The following CSMD1 variants were observed in gnomAD, a reference collection of about 807,000 sequenced individuals.
The protein encoded by CSMD1 is CUB and Sushi multiple domains 1.
In CSMD1, 213 loss-of-function variants were observed where a neutral mutation model predicts 417.5. That is an observed-to-expected ratio of 0.51 (90% CI 0.46 to 0.57). The LOEUF (loss-of-function observed/expected upper bound fraction) is 0.57, where lower values mean the gene tolerates loss of function less well. CSMD1 is among the 20% of genes least tolerant of loss of function. The pLI is 0.00. For synonymous variants in CSMD1, 2,862 were observed against 1,736.8 expected, an observed-to-expected ratio of 1.65 and a Z score of -16.11; for missense variants, 6,923 against 4,529.7, an observed-to-expected ratio of 1.53 and a Z score of -15.17.
intron 3 of CSMD1, among the ~76,000 whole-genome samples, chr8:4,299,777 C>A (rs888355462): frequency 1.3e-5 from 2 of 151,844 alleles, no homozygotes; most frequent in Non-Finnish European, 2.9e-5. Flanking sequence ...ATTACAGGTA[C>A]GTGCCACCAC....
At chr8:4,756,830 G>C (rs1811698297) in intron 1 of CSMD1, among the ~76,000 whole-genome samples, 1 of 152,144 alleles carries the variant, frequency 6.6e-6, no homozygotes, top group Non-Finnish European at 1.5e-5. Context: ...GCTGGGCCCA[G>C]GTATAACACA....
intron 26 of CSMD1, among the ~76,000 whole-genome samples, chr8:3,256,638 A>T (rs547150307): frequency 1.4e-4 from 22 of 152,318 alleles, no homozygotes; most frequent in African/African-American, 4.8e-4. Context: ...CACTTCCAAC[A>T]TGTGTGCCTT....
chr8:4,865,060 A>G (rs916049227), intron 1 of CSMD1, among the ~76,000 whole-genome samples: 11 of 151,474 alleles, frequency 7.3e-5, no homozygotes, highest in African/African-American at 1.7e-4. Context: ...TTTTATTTCA[A>G]TAGGTTTTGG....
intron 18 of CSMD1, among the ~76,000 whole-genome samples, chr8:3,383,267 C>G (rs1810756891): frequency 6.6e-6 from 1 of 152,220 alleles, no homozygotes; most frequent in Non-Finnish European, 1.5e-5. Flanking sequence ...ATGCAGTTTA[C>G]TGCATTTCAG....
rs190883958 is a variant in CSMD1, at chr8:4,311,894, T to C, written c.415+108059A>G. On this transcript the variant is annotated intron_variant, in intron 3 of 69. Coordinates refer to ENST00000635120, the MANE Select transcript of CSMD1 (RefSeq NM_033225.6). Reference sequence around the variant, plus strand: ...AATACCTGGGTGATCAAATAATACATGCAACGAACCCCCATGACACTTATT... The same window carrying C: ...AATACCTGGGTGATCAAATAATACACGCAACGAACCCCCATGACACTTATT... Among the ~76,000 whole-genome samples, 226 of 152,066 alleles carry C rather than the reference T, an allele frequency of 1.5e-3. 2 individuals carry two copies. Among genetic ancestry groups the C allele is most frequent in the African/African-American group, 5.2e-3 (216 of 41,476 alleles).
intron 2 of CSMD1, among the ~76,000 whole-genome samples, chr8:4,422,459 C>A (rs761043279): frequency 6.6e-6 from 1 of 151,926 alleles, no homozygotes; most frequent in South Asian, 2.1e-4. Flanking sequence ...GGTAAGCATA[C>A]GGTAAAAATA....
intron 69 of CSMD1, among the ~76,000 whole-genome samples, chr8:2,942,120 G>C (rs957039542): frequency 6.6e-6 from 1 of 152,014 alleles, no homozygotes; most frequent in Non-Finnish European, 1.5e-5. Flanking sequence ...AGTGGGAGCT[G>C]AACGATGAGA....
chr8:4,423,515 G>T lies in CSMD1; in HGVS notation c.303-3450C>A, dbSNP rs559385723. The stretch of plus-strand genomic sequence containing the variant: ...TAAGATAAGCCCAACAGTGTATACA[G>T]AAAAGTACACAACACTGAAGAAAAA... On this transcript the variant is annotated intron_variant, in intron 2 of 69. Coordinates refer to ENST00000635120, the MANE Select transcript of CSMD1 (RefSeq NM_033225.6). Among the ~76,000 whole-genome samples the T allele has an allele frequency of 4.6e-5, 7 of 152,104 alleles. No homozygotes were observed. The South Asian group carries it at 1.5e-3, about 32-fold the overall frequency.
At chr8:3,450,699 T>C (rs1305430979) in intron 12 of CSMD1, among the ~76,000 whole-genome samples, 3 of 152,166 alleles carry the variant, frequency 2.0e-5, no homozygotes, top group Non-Finnish European at 4.4e-5. Context: ...CGCATTTTCT[T>C]AATCCAGTCT....
chr8:3,686,224 G>A (rs1799937022), intron 7 of CSMD1, among the ~76,000 whole-genome samples: 1 of 152,152 alleles, frequency 6.6e-6, no homozygotes, highest in South Asian at 2.1e-4. Context: ...TCACCCCCTT[G>A]AGTTACTGAC....
intron 3 of CSMD1, among the ~76,000 whole-genome samples, chr8:4,227,321 C>A (rs1359587417): frequency 6.6e-6 from 1 of 152,102 alleles, no homozygotes; most frequent in African/African-American, 2.4e-5. Flanking sequence ...CCTCTCCCAC[C>A]ACTCACCACC....
chr8:3,439,309 A>ATATTTTTTTT lies in CSMD1; in HGVS notation c.1561+29402_1561+29403insAAAAAAAATA. Among the ~76,000 whole-genome samples the ATATTTTTTTT allele has an allele frequency of 4.0e-4, 25 of 62,450 alleles. No individual in the cohort carries two copies. In the East Asian group the frequency reaches 7.5e-3, roughly 19 times the overall value. 41.0% of individuals were successfully genotyped at this position (62,450 alleles called of 152,430 possible). A position where few individuals can be genotyped will look rare whatever the true frequency, so the allele number is the denominator to read the frequency against. ...TATATATATATATATATATATATAT[A>ATATTTTTTTT]TTTTTTTTTTTAATATGTATTTTTA... On this transcript the variant is annotated intron_variant, in intron 12 of 69. Coordinates refer to ENST00000635120, the MANE Select transcript of CSMD1 (RefSeq NM_033225.6).
intron 5 of CSMD1, among the ~76,000 whole-genome samples, chr8:3,884,300 T>C (rs988725097): frequency 6.6e-6 from 1 of 152,214 alleles, no homozygotes; most frequent in African/African-American, 2.4e-5. Context: ...GTGTTTGTTA[T>C]ATAAAACATT....
At chr8:3,818,093 G>A (rs922158434) in intron 5 of CSMD1, among the ~76,000 whole-genome samples, 1 of 151,966 alleles carries the variant, frequency 6.6e-6, no homozygotes, top group Non-Finnish European at 1.5e-5. Flanking sequence ...AGCCAGCCTG[G>A]CACCATGTTA....
At chr8:3,933,359 G>A (rs890113497) in intron 5 of CSMD1, among the ~76,000 whole-genome samples, 7 of 152,046 alleles carry the variant, frequency 4.6e-5, no homozygotes, top group South Asian at 2.1e-4. Flanking sequence ...TGTTTTTGGC[G>A]ACATTTCAGT....
At chr8:3,968,679 G>C (rs1223380706) in intron 5 of CSMD1, among the ~76,000 whole-genome samples, 2 of 152,076 alleles carry the variant, frequency 1.3e-5, no homozygotes, top group African/African-American at 2.4e-5. Context: ...GATAGTGTTA[G>C]TCATTAAGCT....
At chr8:3,288,292 T>C (rs532314792) in intron 25 of CSMD1, among the ~76,000 whole-genome samples, 5 of 147,124 alleles carry the variant, frequency 3.4e-5, no homozygotes, top group Non-Finnish European at 5.9e-5. Flanking sequence ...TGCCAGGCTT[T>C]GGTATGAGGA....
chr8:4,005,296 A>G (rs1816021372), intron 4 of CSMD1, among the ~76,000 whole-genome samples: 1 of 152,210 alleles, frequency 6.6e-6, no homozygotes, highest in South Asian at 2.1e-4. Flanking sequence ...AATAAAATAA[A>G]ATAATAAAAA....
intron 2 of CSMD1, among the ~76,000 whole-genome samples, chr8:4,607,434 G>C (rs529328077): frequency 3.3e-5 from 5 of 152,138 alleles, no homozygotes; most frequent in Admixed American, 6.6e-5. Flanking sequence ...CTAAGCAAAA[G>C]GAAACTGTTG....
Sources: gnomAD v4.1 joint callset for allele counts (sites outside exome capture counted in the v4.1 genomes callset) on GRCh38, gnomAD v4.1.1 for gene constraint, MANE v1.5 for transcripts, NCBI Gene and HGNC (gene_info 2026-07-23, HGNC 2026-07-21) for gene names.